The following CNBD1 variants were observed in gnomAD, a reference collection of about 807,000 sequenced individuals.
CNBD1 encodes the protein cyclic nucleotide-binding domain-containing protein 1.
In CNBD1, 71 loss-of-function variants were observed where a neutral mutation model predicts 54.4. That is an observed-to-expected ratio of 1.30 (90% confidence interval 1.08 to 1.59). CNBD1 has a LOEUF of 1.59. Ranked by LOEUF, CNBD1 falls within the 40% of genes most tolerant of loss-of-function variation. CNBD1 has a pLI of 0.00. For synonymous variants in CNBD1, 182 were observed against 170.7 expected, an observed-to-expected ratio of 1.07 and a Z score of -0.51; for missense variants, 659 against 518.0, an observed-to-expected ratio of 1.27 and a Z score of -2.64.
At chr8:87,225,859 C>A (rs1297235365) in intron 5 of CNBD1, among the ~76,000 whole-genome samples, 1 of 145,070 alleles carries the variant, frequency 6.9e-6, no homozygotes, top group Admixed American at 6.8e-5. Flanking sequence ...AGCTGTGAAT[C>A]CATCTGGTCC....
At chr8:87,419,013 GC>G (rs1807881645) in intron 2 of CNBD1, among the ~76,000 whole-genome samples, 1 of 151,980 alleles carries the variant, frequency 6.6e-6, no homozygotes, top group East Asian at 1.9e-4. Flanking sequence ...AATGTTCATA[GC>G]AGCATTACTC....
At chr8:87,274,004 A>G (rs1808425075) in intron 6 of CNBD1, among the ~76,000 whole-genome samples, 1 of 146,074 alleles carries the variant, frequency 6.8e-6, no homozygotes, top group African/African-American at 2.5e-5. Context: ...CCCACCTATG[A>G]GTGAGAATAT....
Position 87,382,775 on chromosome 8 carries a change from C to A in CNBD1, c.*148C>A, listed in dbSNP as rs76517095. 8.1e-3 allele frequency: 3,878 copies of A among 476,592 alleles called. 114 individuals carry two copies. The highest frequency in any genetic ancestry group is 0.062 in the African/African-American group (3,175 of 51,038). 29.5% of individuals were successfully genotyped at this position (476,592 alleles called of 1,614,324 possible). ...GGATTCCCCAGGAAAGTCCCACTTT[C>A]GAATTGCCTTTCAAACACAGTTTTT... On this transcript the variant is annotated 3_prime_UTR_variant, in exon 11 of 11. Transcript: ENST00000518476.
Position 87,298,232 on chromosome 8 carries a change from C to T in CNBD1, c.1042+11561C>T, listed in dbSNP as rs994044528. Among the ~76,000 whole-genome samples, 3 of 151,818 alleles carry T rather than the reference C, an allele frequency of 2.0e-5. No individual in the cohort carries two copies. The South Asian group carries it at 6.2e-4, about 32-fold the overall frequency. On this transcript the variant is annotated intron_variant, in intron 8 of 10. Coordinates refer to ENST00000518476, the MANE Select transcript of CNBD1 (RefSeq NM_173538.3). ...TTACCCCACTTGCAAATAGACTATG[C>T]ATGTTTATAGTTTAAAAATTATATA...
intron 8 of CNBD1, among the ~76,000 whole-genome samples, chr8:87,323,622 A>T (rs1026846269): frequency 7.6e-6 from 1 of 131,244 alleles, no homozygotes; most frequent in Middle Eastern, 3.9e-3. Context: ...CTGGTGTATA[A>T]GAATGCTTGT....
At chr8:87,328,615 G>C in intron 8 of CNBD1, among the ~76,000 whole-genome samples, 1 of 151,580 alleles carries the variant, frequency 6.6e-6, no homozygotes, top group East Asian at 1.9e-4. Flanking sequence ...ATCAATTTTA[G>C]GATTATTTTG....
intron 10 of CNBD1, among the ~76,000 whole-genome samples, chr8:87,371,158 G>A (rs1281310232): frequency 6.6e-6 from 1 of 151,818 alleles, no homozygotes; most frequent in African/African-American, 2.4e-5. Context: ...AAGTCAGGTA[G>A]TGTGATGCCT....
At chr8:86,939,546 A>T in intron 3 of CNBD1, 50 bp from the exon 4 acceptor site, 1 of 1,283,776 alleles carries the variant, frequency 7.8e-7, no homozygotes, top group South Asian at 1.8e-5. Context: ...CCCTGTAAAT[A>T]ATTTTTATGC....
At chr8:87,102,859 C>T (rs1278289873) in intron 4 of CNBD1, among the ~76,000 whole-genome samples, 3 of 152,032 alleles carry the variant, frequency 2.0e-5, no homozygotes, top group Admixed American at 6.6e-5. Flanking sequence ...CGTGATCCGC[C>T]CGCCTCAGCT....
chr8:87,134,721 G>A (rs1812192072), intron 4 of CNBD1, among the ~76,000 whole-genome samples: 1 of 145,824 alleles, frequency 6.9e-6, no homozygotes. Context: ...TCCTGCCTCA[G>A]CCTCCCGAGT....
At chr8:87,145,116 G>A (rs931892847) in intron 4 of CNBD1, among the ~76,000 whole-genome samples, 1 of 152,080 alleles carries the variant, frequency 6.6e-6, no homozygotes. Flanking sequence ...CTATTAAGGT[G>A]TCAAAAGAAA....
chr8:87,189,702 A>G (rs985057439), intron 4 of CNBD1, among the ~76,000 whole-genome samples: 1 of 152,180 alleles, frequency 6.6e-6, no homozygotes, highest in Non-Finnish European at 1.5e-5. Context: ...TGTGCCTCTG[A>G]TGTGTGCACT....
chr8:87,035,538 T>C (rs1809909801), intron 4 of CNBD1, among the ~76,000 whole-genome samples: 1 of 152,170 alleles, frequency 6.6e-6, no homozygotes, highest in African/African-American at 2.4e-5. Context: ...TAGTACAAGG[T>C]TCAAAGCAGA....
intron 4 of CNBD1, among the ~76,000 whole-genome samples, chr8:87,125,723 T>A (rs1039743940): frequency 3.3e-5 from 5 of 151,812 alleles, no homozygotes; most frequent in Non-Finnish European, 7.4e-5. Flanking sequence ...AGTATATAGT[T>A]TAATAAGTGT....
At chr8:86,866,748 T>C (rs1808371036) in intron 1 of CNBD1, among the ~76,000 whole-genome samples, 165 bp downstream of exon 1, 1 of 152,222 alleles carries the variant, frequency 6.6e-6, no homozygotes, top group Admixed American at 6.5e-5. Flanking sequence ...TCCTGCTTGG[T>C]CTACTTGAAG....
intron 4 of CNBD1, among the ~76,000 whole-genome samples, chr8:87,195,566 T>TG (rs1217613365): frequency 2.0e-5 from 3 of 151,150 alleles, no homozygotes; most frequent in African/African-American, 7.3e-5. Context: ...AATATTGTTT[T>TG]TTTTTTTTTT....
At chr8:87,401,769 A>T (rs938349082) in intron 2 of CNBD1, among the ~76,000 whole-genome samples, 2 of 152,084 alleles carry the variant, frequency 1.3e-5, no homozygotes, top group Non-Finnish European at 2.9e-5. Context: ...TTAAACAAGT[A>T]AAGCTATACA....
chr8:87,271,749 T>G (rs752626386), intron 6 of CNBD1, among the ~76,000 whole-genome samples: 7 of 151,544 alleles, frequency 4.6e-5, no homozygotes, highest in Non-Finnish European at 1.0e-4. Context: ...GCAATTCTAC[T>G]GTTGGGTATT....
chr8:87,302,332 A>C (rs995249367), intron 8 of CNBD1, among the ~76,000 whole-genome samples: 3 of 152,226 alleles, frequency 2.0e-5, no homozygotes, highest in African/African-American at 7.2e-5. Flanking sequence ...GGCTGGTTCA[A>C]CATATGCAAA....
Sources: gnomAD v4.1 joint callset for allele counts (sites outside exome capture counted in the v4.1 genomes callset) on GRCh38, gnomAD v4.1.1 for gene constraint, MANE v1.5 for transcripts, NCBI Gene and HGNC (gene_info 2026-07-23, HGNC 2026-07-21) for gene names.